Variants in THBS2 observed in about 807,000 individuals in gnomAD.
The protein encoded by THBS2 is thrombospondin 2, also known as thrombospondin-2.
In THBS2, 47 loss-of-function variants were observed where a neutral mutation model predicts 135.2. The ratio of observed to expected loss-of-function variants is 0.35; its 90% CI spans 0.28 to 0.44. The LOEUF is 0.44. Among genes scored for constraint, THBS2 ranks in the 20% least tolerant of loss-of-function variants. The pLI is 1.00. For missense variants in THBS2, 1,288 were observed against 1,603.1 expected, an observed-to-expected ratio of 0.80 and a Z score of 3.36; for synonymous variants, 639 against 633.8, an observed-to-expected ratio of 1.01 and a Z score of -0.12.
chr6:169,228,450 G>A (rs1779718438), intron 14 of THBS2, among the ~76,000 whole-genome samples, 169 bp from the exon 15 acceptor site: 1 of 152,020 alleles, frequency 6.6e-6, no homozygotes, highest in Non-Finnish European at 1.5e-5. Context: ...AATCACAGCT[G>A]GGCACTGTGG....
At chr6:169,245,724 A>G (rs550620384) in intron 4 of THBS2, among the ~76,000 whole-genome samples, 17 of 150,650 alleles carry the variant, frequency 1.1e-4, no homozygotes, top group East Asian at 6.0e-4. Context: ...CCCAGGAGGC[A>G]GAGCTTGCAG....
chr6:169,224,063 T>TATC (rs1779531776), intron 17 of THBS2, among the ~76,000 whole-genome samples: 1 of 152,322 alleles, frequency 6.6e-6, no homozygotes, highest in East Asian at 1.9e-4. Flanking sequence ...GTGTCCAGTC[T>TATC]ATCAGTCTAC....
intron 7 of THBS2, among the ~76,000 whole-genome samples, chr6:169,238,494 C>G (rs543950589): frequency 6.6e-6 from 1 of 152,204 alleles, no homozygotes; most frequent in Non-Finnish European, 1.5e-5. Flanking sequence ...CTCCTGATAA[C>G]ATAAAATGTC....
At position 169,234,805 on chromosome 6, in the gene THBS2, T is replaced by C; in HGVS notation, c.1580A>G (p.Gln527Arg). 3 of 1,612,450 alleles carry C rather than the reference T, an allele frequency of 1.9e-6. No individual in the cohort carries two copies. In the South Asian group the frequency reaches 3.3e-5, roughly 18 times the overall value. The change falls in exon 10 of 22, where the codon CAG becomes CGG. Residue 527 changes from glutamine (Q) to arginine (R), a missense_variant. Gln to Arg is a conservative substitution (Grantham distance 43, BLOSUM62 1). Coordinates refer to ENST00000617924, the MANE Select transcript of THBS2 (RefSeq NM_003247.5). ...RTRVCNSPEP[Q>R]YGGKACVGDV... Reference sequence around the variant, plus strand: ...CCCCACGCAGGCCTTCCCTCCGTACTGAGGCTCAGGGCTGTTGCAGACCCG... The same window carrying C: ...CCCCACGCAGGCCTTCCCTCCGTACCGAGGCTCAGGGCTGTTGCAGACCCG...
At chr6:169,236,773 C>T (rs970327821) in intron 9 of THBS2, among the ~76,000 whole-genome samples, 3 of 149,042 alleles carry the variant, frequency 2.0e-5, no homozygotes, top group South Asian at 2.2e-4. Flanking sequence ...ACTCACTCCC[C>T]GTCCACACTC....
At chr6:169,235,984 C>G in intron 9 of THBS2, among the ~76,000 whole-genome samples, 1 of 112,924 alleles carries the variant, frequency 8.9e-6, no homozygotes, top group Non-Finnish European at 1.9e-5. Context: ...ACACTCACTC[C>G]CCCATCCACA....
chr6:169,219,425 G>T (rs1310822822), intron 21 of THBS2, among the ~76,000 whole-genome samples: 1 of 151,988 alleles, frequency 6.6e-6, no homozygotes, highest in African/African-American at 2.4e-5. Context: ...TATATGGGTG[G>T]GTGGATGAAT....
At chr6:169,240,756 C>T (rs1372010489) in intron 5 of THBS2, among the ~76,000 whole-genome samples, 164 bp from the exon 6 acceptor site, 2 of 152,224 alleles carry the variant, frequency 1.3e-5, no homozygotes, top group Non-Finnish European at 2.9e-5. Context: ...CCTCCATCCT[C>T]ACGGGGCTTT....
At chr6:169,248,096 A>G (rs1020220135) in intron 3 of THBS2, among the ~76,000 whole-genome samples, 2 of 151,670 alleles carry the variant, frequency 1.3e-5, no homozygotes, top group South Asian at 4.2e-4. Flanking sequence ...ATGTATATAC[A>G]TATGCGAGTG....
chr6:169,219,901 C>T, intron 21 of THBS2: 1 of 573,448 alleles, frequency 1.7e-6, no homozygotes, highest in South Asian at 1.5e-5. Context: ...CGTCAGGAGC[C>T]TGGAAGTGGA....
At position 169,232,513 on chromosome 6, in the gene THBS2, C is replaced by A. The variant is rs57999146; in HGVS notation, c.1932+151G>T. On this transcript the variant is annotated intron_variant, in intron 12 of 21. Coordinates refer to ENST00000617924, the MANE Select transcript of THBS2 (RefSeq NM_003247.5). ...CCCGCGCGGAGAGCAGCGGCCCAGC[C>A]GAGCAGGTGCTCAGCTTCCCCGGGC... is the stretch of plus-strand genomic sequence containing the variant. The A allele has an allele frequency of 6.8e-6, 9 of 1,329,444 alleles. No homozygotes were observed. The African/African-American group carries it at 8.8e-5, about 13-fold the overall frequency. 82.4% of individuals were successfully genotyped at this position (1,329,444 alleles called of 1,614,324 possible). A position where few individuals can be genotyped will look rare whatever the true frequency, so the allele number is the denominator to read the frequency against.
At chr6:169,223,544 C>A in intron 17 of THBS2, 69 bp from the exon 18 acceptor site, 1 of 1,396,000 alleles carries the variant, frequency 7.2e-7, no homozygotes, top group Non-Finnish European at 1.0e-6. Context: ...GGTGGTTTGC[C>A]ATTTGCTTTT....
intron 20 of THBS2, among the ~76,000 whole-genome samples, chr6:169,220,928 T>C (rs2114972588): frequency 6.6e-6 from 1 of 152,342 alleles, no homozygotes; most frequent in Middle Eastern, 3.4e-3. Context: ...TCTTGGTGCT[T>C]ATTAACTTTG....
chr6:169,220,119 T>C, intron 21 of THBS2, 79 bp downstream of exon 21: 11 of 1,530,534 alleles, frequency 7.2e-6, no homozygotes, highest in Non-Finnish European at 9.7e-6. Context: ...CTTTTGTAAG[T>C]GGAAGAGCGC....
rs200305949 is a variant in THBS2 at position 169,232,878 on chromosome 6, G to C, written c.1779+12C>G. The stretch of plus-strand genomic sequence containing the variant: ...CCTCAGGGCGCCCACAGCCCAGGGC[G>C]GGGTCACCCACCTCGTCCAGGTCCT... On this transcript the variant is annotated intron_variant, in intron 11 of 21. Transcript: ENST00000617924. The C allele has an allele frequency of 3.1e-6, 5 of 1,602,690 alleles. No homozygotes were observed. The East Asian group carries it at 1.1e-4, about 36-fold the overall frequency.
intron 10 of THBS2, 166 bp downstream of exon 10, chr6:169,234,568 A>C: frequency 1.3e-6 from 1 of 752,610 alleles, no homozygotes; most frequent in Non-Finnish European, 2.0e-6. Context: ...TTACATTAGA[A>C]ATACAGGAGG....
intron 15 of THBS2, among the ~76,000 whole-genome samples, chr6:169,226,899 G>A (rs968840417): frequency 3.3e-5 from 5 of 152,176 alleles, no homozygotes; most frequent in African/African-American, 4.8e-5. Context: ...TGAGACGCTC[G>A]CCTTGCTTTG....
intron 15 of THBS2, among the ~76,000 whole-genome samples, chr6:169,226,939 G>A (rs1207942734): frequency 6.6e-6 from 1 of 152,098 alleles, no homozygotes; most frequent in Non-Finnish European, 1.5e-5. Context: ...AGGGAAGTAA[G>A]GAACACCTAA....
At chr6:169,237,096 G>T in intron 9 of THBS2, 74 bp downstream of exon 9, 1 of 1,508,682 alleles carries the variant, frequency 6.6e-7, no homozygotes, top group South Asian at 1.3e-5. Flanking sequence ...CCGGATCCCG[G>T]CTCCAGCTGT....
Sources: allele counts gnomAD v4.1 joint callset (sites outside exome capture counted in the v4.1 genomes callset), GRCh38; gene constraint gnomAD v4.1.1; transcripts MANE v1.5; gene names NCBI Gene and HGNC (gene_info 2026-07-23, HGNC 2026-07-21).